AJAP1: variants seen among roughly 807,000 people sequenced by gnomAD.
AJAP1 encodes adherens junctions associated protein 1.
AJAP1 carries 5 observed loss-of-function variants against 35.0 expected under a neutral mutation model. The observed-to-expected ratio is 0.14, with a 90% CI of 0.07 to 0.30. The LOEUF (loss-of-function observed/expected upper bound fraction) is 0.30. Ranked by LOEUF, AJAP1 falls within the 10% of genes least tolerant of loss-of-function variation. The pLI, the probability that AJAP1 is intolerant of heterozygous loss-of-function variation, is 1.00. For missense variants in AJAP1, 586 were observed against 571.0 expected (o/e 1.03, Z -0.27); for synonymous variants, 284 against 249.3 (o/e 1.14, Z -1.31).
intron 5 of AJAP1, among the ~76,000 whole-genome samples, chr1:4,775,483 C>T (rs1002079687): frequency 3.3e-5 from 5 of 152,114 alleles, no homozygotes; most frequent in African/African-American, 7.2e-5. Context: ...TTACTTTTTG[C>T]CCACCATCTG....
At chr1:4,697,655 G>C (rs1446034367) in intron 1 of AJAP1, among the ~76,000 whole-genome samples, 2 of 152,244 alleles carry the variant, frequency 1.3e-5, no homozygotes, top group Admixed American at 6.5e-5. Flanking sequence ...ACCTTGGGCA[G>C]GTGCGCCACC....
At position 4,712,683 on chromosome 1, in the gene AJAP1, T is replaced by A; in HGVS notation, c.813T>A (p.Ile271=). The part of the protein sequence containing the change: ...NNGEVTQPPR[I]LGEASGLAVH... Reference sequence around the variant, plus strand: ...GGGAAGTCACCCAGCCCCCAAGGATTCTGGGGGAGGCCTCAGGTACAGCCA... The same window carrying A: ...GGGAAGTCACCCAGCCCCCAAGGATACTGGGGGAGGCCTCAGGTACAGCCA... The change falls in exon 2 of 6, where the codon ATT becomes ATA. Residue 271 remains isoleucine, a synonymous_variant. Transcript: ENST00000378191. The A allele has an allele frequency of 3.3e-6, 5 of 1,512,802 alleles. No homozygotes were observed. The highest frequency in any genetic ancestry group is 4.4e-6 in the Non-Finnish European group (5 of 1,127,646). 93.7% of individuals were successfully genotyped at this position (1,512,802 alleles called of 1,614,324 possible).
chr1:4,753,878 CT>C (rs1335723597), intron 2 of AJAP1, among the ~76,000 whole-genome samples: 1 of 152,202 alleles, frequency 6.6e-6, no homozygotes, highest in East Asian at 1.9e-4. Flanking sequence ...GGCCTAACTG[CT>C]GTTTTAAAGG....
In AJAP1 at chr1:4,690,101, C is replaced by G. The variant is rs192244068; in HGVS notation, c.30-21799C>G. On this transcript the variant is annotated intron_variant, in intron 1 of 5. Coordinates refer to ENST00000378191, the MANE Select transcript of AJAP1 (RefSeq NM_018836.4). ...CGCTGACAAAGACAAGACTCAGTGCCTGCCCTGGAGGGGTAGTGTGGAGCA... is the reference window on the plus strand; with the variant it reads ...CGCTGACAAAGACAAGACTCAGTGCGTGCCCTGGAGGGGTAGTGTGGAGCA... 5.3e-5 allele frequency among the ~76,000 whole-genome samples: 8 copies of G among 152,326 alleles called. No homozygotes were observed. In the East Asian group the frequency reaches 1.4e-3, roughly 26 times the overall value.
chr1:4,714,016 G>C (rs1023902254), intron 2 of AJAP1, among the ~76,000 whole-genome samples: 1 of 152,224 alleles, frequency 6.6e-6, no homozygotes, highest in Non-Finnish European at 1.5e-5. Flanking sequence ...CAGGCACCGG[G>C]CAGTCCTTGG....
At chr1:4,740,925 GC>G (rs1399753850) in intron 2 of AJAP1, among the ~76,000 whole-genome samples, 1 of 151,960 alleles carries the variant, frequency 6.6e-6, no homozygotes, top group Non-Finnish European at 1.5e-5. Context: ...CAGGTGTCTT[GC>G]GTCTGGCACC....
intron 1 of AJAP1, among the ~76,000 whole-genome samples, chr1:4,675,387 C>G (rs1639340971): frequency 6.6e-6 from 1 of 152,244 alleles, no homozygotes; most frequent in South Asian, 2.1e-4. Context: ...CGGCCATCCT[C>G]TCCCATTGAG....
At chr1:4,712,760 G>A (rs1341836329) in intron 2 of AJAP1, 61 bp downstream of exon 2, 12 of 1,455,012 alleles carry the variant, frequency 8.2e-6, no homozygotes, top group Admixed American at 2.4e-5. Context: ...AGCGTGACTC[G>A]GGAGAGATGC....
At chr1:4,738,739 G>C (rs1640989889) in intron 2 of AJAP1, among the ~76,000 whole-genome samples, 2 of 152,192 alleles carry the variant, frequency 1.3e-5, no homozygotes, top group African/African-American at 4.8e-5. Context: ...GAGAGGCTGT[G>C]GGAAGCGGGG....
chr1:4,705,625 A>G (rs762129636), intron 1 of AJAP1, among the ~76,000 whole-genome samples: 25 of 151,394 alleles, frequency 1.7e-4, no homozygotes, highest in Non-Finnish European at 3.5e-4. Context: ...TGAGGCAGAT[A>G]CTTCCTCTCT....
intron 2 of AJAP1, among the ~76,000 whole-genome samples, chr1:4,722,646 T>C (rs1640549195): frequency 6.6e-6 from 1 of 152,168 alleles, no homozygotes; most frequent in Non-Finnish European, 1.5e-5. Flanking sequence ...AGGCCCTGGG[T>C]GAGGACCCTT....
intron 1 of AJAP1, among the ~76,000 whole-genome samples, chr1:4,710,155 G>C (rs1640195787): frequency 8.3e-6 from 1 of 120,238 alleles, no homozygotes; most frequent in African/African-American, 3.1e-5. Flanking sequence ...TACACACACA[G>C]ATACTCTCAC....
At chr1:4,731,242 G>A (rs1008669401) in intron 2 of AJAP1, among the ~76,000 whole-genome samples, 4 of 151,996 alleles carry the variant, frequency 2.6e-5, no homozygotes, top group Non-Finnish European at 4.4e-5. Context: ...CACCATGCCC[G>A]GCTAATTTTT....
intron 1 of AJAP1, among the ~76,000 whole-genome samples, chr1:4,670,437 C>T (rs1639227589): frequency 1.3e-5 from 2 of 152,150 alleles, no homozygotes; most frequent in Non-Finnish European, 2.9e-5. Flanking sequence ...TGAAAAATAC[C>T]CAAGTCGACA....
At chr1:4,704,109 C>T (rs144196022) in intron 1 of AJAP1, among the ~76,000 whole-genome samples, 2 of 151,854 alleles carry the variant, frequency 1.3e-5, no homozygotes, top group East Asian at 3.9e-4. Flanking sequence ...CCCCCTTACA[C>T]TAGCCAGTCC....
At chr1:4,776,485 C>T (rs145077240) in intron 5 of AJAP1, among the ~76,000 whole-genome samples, 1,837 of 152,304 alleles carry the variant, frequency 0.012, 38 homozygotes, top group African/African-American at 0.042. Context: ...GCCTACTCCA[C>T]AGGCCTGAGC....
At chr1:4,748,574 C>G (rs1232199434) in intron 2 of AJAP1, among the ~76,000 whole-genome samples, 2 of 151,898 alleles carry the variant, frequency 1.3e-5, no homozygotes, top group Non-Finnish European at 2.9e-5. Flanking sequence ...ATGGTAAAAC[C>G]CTGTCTCTAC....
At chr1:4,705,869 G>A (rs539392867) in intron 1 of AJAP1, among the ~76,000 whole-genome samples, 39 of 152,048 alleles carry the variant, frequency 2.6e-4, no homozygotes, top group Admixed American at 1.0e-3. Flanking sequence ...GAAAACGGAC[G>A]CTAAGCTAAG....
At chr1:4,743,950 TCTCC>T in intron 2 of AJAP1, among the ~76,000 whole-genome samples, 1 of 151,286 alleles carries the variant, frequency 6.6e-6, no homozygotes, top group East Asian at 1.9e-4. Context: ...CTCTCCAGGC[TCTCC>T]AGGTTGGGAT....
Sources: gnomAD v4.1 joint callset for allele counts (sites outside exome capture counted in the v4.1 genomes callset) on GRCh38, gnomAD v4.1.1 for gene constraint, MANE v1.5 for transcripts, NCBI Gene and HGNC (gene_info 2026-07-23, HGNC 2026-07-21) for gene names.